Variants in SGMS1 observed in about 807,000 individuals in gnomAD.
SGMS1 encodes the protein sphingomyelin synthase 1, also known as phosphatidylcholine:ceramide cholinephosphotransferase 1.
In SGMS1, 13 loss-of-function variants were observed where a neutral mutation model predicts 46.2. The observed-to-expected ratio is 0.28, with a 90% CI of 0.18 to 0.45. SGMS1 has a LOEUF of 0.45. SGMS1 is among the 20% of genes least tolerant of loss of function. The probability of loss-of-function intolerance (pLI) is 1.00; values close to 1 mark genes in which losing one functional copy is unlikely to be tolerated. For synonymous variants in SGMS1, 203 were observed against 187.8 expected (o/e 1.08, Z -0.66); for missense variants, 324 against 519.9 (o/e 0.62, Z 3.66).
intron 6 of SGMS1, among the ~76,000 whole-genome samples, chr10:50,432,295 G>A (rs1009365665): frequency 6.6e-6 from 1 of 151,566 alleles, no homozygotes; most frequent in Non-Finnish European, 1.5e-5. Context: ...AAAAACAAAG[G>A]TAATAAATAC....
chr10:50,461,399 G>A (rs1421801072), intron 4 of SGMS1, among the ~76,000 whole-genome samples: 2 of 152,086 alleles, frequency 1.3e-5, no homozygotes, highest in African/African-American at 2.4e-5. Context: ...AACAAAGAGG[G>A]CTGTTCATTT....
intron 6 of SGMS1, among the ~76,000 whole-genome samples, chr10:50,430,256 T>A (rs1849389420): frequency 6.6e-6 from 1 of 152,102 alleles, no homozygotes; most frequent in African/African-American, 2.4e-5. Context: ...AACAAAAATG[T>A]CCAGTAATAT....
intron 2 of SGMS1, among the ~76,000 whole-genome samples, chr10:50,540,691 G>T (rs1470957130): frequency 6.6e-6 from 1 of 152,184 alleles, no homozygotes; most frequent in Non-Finnish European, 1.5e-5. Context: ...ATTGAAGAGG[G>T]GGAACACGGA....
chr10:50,370,945 T>A (rs142865581), intron 6 of SGMS1, among the ~76,000 whole-genome samples: 2 of 152,218 alleles, frequency 1.3e-5, no homozygotes, highest in African/African-American at 4.8e-5. Flanking sequence ...GTTAACTTTT[T>A]AAAATACATA....
Position 50,350,520 on chromosome 10 carries a change from T to TC in SGMS1, c.-231-6176dup, listed in dbSNP as rs200816161. On this transcript the variant is annotated intron_variant, in intron 6 of 10. Transcript: ENST00000361781. ...GTCAGAAGTTCTTCACAGCAGCCCC[T>TC]CCCATCACAGGCCCAGGAGGAAAAC... Among the ~76,000 whole-genome samples the TC allele has an allele frequency of 8.5e-3, 1,290 of 152,242 alleles. 21 individuals carry two copies. The highest frequency in any genetic ancestry group is 0.029 in the African/African-American group (1,193 of 41,542).
intron 5 of SGMS1, among the ~76,000 whole-genome samples, chr10:50,443,524 G>T (rs1038542338): frequency 1.3e-5 from 2 of 151,658 alleles, no homozygotes; most frequent in African/African-American, 4.8e-5. Context: ...AAGACTGAAT[G>T]CCCACCTAGA....
At chr10:50,560,277 A>T (rs1477198207) in intron 2 of SGMS1, among the ~76,000 whole-genome samples, 1 of 141,342 alleles carries the variant, frequency 7.1e-6, no homozygotes, top group Admixed American at 7.3e-5. Flanking sequence ...TATGTAATAT[A>T]CAGTATATGT....
At chr10:50,512,270 C>G (rs911301362) in intron 3 of SGMS1, among the ~76,000 whole-genome samples, 2 of 151,998 alleles carry the variant, frequency 1.3e-5, no homozygotes, top group African/African-American at 4.8e-5. Context: ...TACATGATAG[C>G]ACTCAGAACC....
chr10:50,585,042 T>C (rs1226011571), intron 2 of SGMS1, among the ~76,000 whole-genome samples: 2 of 152,240 alleles, frequency 1.3e-5, no homozygotes, highest in Admixed American at 6.5e-5. Context: ...GTGTAAAAGA[T>C]GTTAAAAACA....
At chr10:50,447,973 G>A (rs1302477119) in intron 5 of SGMS1, among the ~76,000 whole-genome samples, 1 of 152,152 alleles carries the variant, frequency 6.6e-6, no homozygotes, top group African/African-American at 2.4e-5. Context: ...ATAGGTTCCA[G>A]TGCAAAGTAA....
At chr10:50,562,519 C>G (rs1721609086) in intron 2 of SGMS1, among the ~76,000 whole-genome samples, 1 of 152,168 alleles carries the variant, frequency 6.6e-6, no homozygotes, top group Admixed American at 6.5e-5. Flanking sequence ...AGTTACATCT[C>G]TTTTAAATCA....
At chr10:50,357,839 G>A (rs1232380106) in intron 6 of SGMS1, among the ~76,000 whole-genome samples, 1 of 152,116 alleles carries the variant, frequency 6.6e-6, no homozygotes, top group East Asian at 1.9e-4. Flanking sequence ...AAACAAGCTG[G>A]CGTATCAGTG....
chr10:50,382,178 C>G (rs940597840), intron 6 of SGMS1, among the ~76,000 whole-genome samples: 1 of 152,108 alleles, frequency 6.6e-6, no homozygotes, highest in Non-Finnish European at 1.5e-5. Flanking sequence ...TAATTGACAG[C>G]TGACCTGTGA....
In SGMS1 at chr10:50,481,332, C is replaced by A. The variant is rs1177024384; in HGVS notation, c.-497-14400G>T. ...TGCGACAGAGCTCCCAGAGGAAAAA[C>A]CAGGCACCCATCTTTGCTATTCTGC... On this transcript the variant is annotated intron_variant, in intron 3 of 10. Transcript: ENST00000361781. 2.6e-5 allele frequency among the ~76,000 whole-genome samples: 4 copies of A among 152,170 alleles called. No individual in the cohort carries two copies. The East Asian group carries it at 7.7e-4, about 29-fold the overall frequency.
chr10:50,326,053 C>T (rs1383079920), intron 8 of SGMS1, among the ~76,000 whole-genome samples: 3 of 151,762 alleles, frequency 2.0e-5, no homozygotes, highest in Non-Finnish European at 4.4e-5. Flanking sequence ...AAGGAGAGTG[C>T]AGGGAGGCAG....
chr10:50,506,253 T>C (rs1837705917), intron 3 of SGMS1, among the ~76,000 whole-genome samples: 1 of 152,220 alleles, frequency 6.6e-6, no homozygotes, highest in East Asian at 1.9e-4. Context: ...TGTAATTTAA[T>C]GTCTGCTCTG....
intron 1 of SGMS1, among the ~76,000 whole-genome samples, chr10:50,607,164 G>C (rs61858142): frequency 6.8e-6 from 1 of 146,080 alleles, no homozygotes; most frequent in East Asian, 2.0e-4. Context: ...TTTTTTTTTG[G>C]TAGAGATATG....
chr10:50,410,114 T>C (rs1485133769), intron 6 of SGMS1, among the ~76,000 whole-genome samples: 1 of 152,248 alleles, frequency 6.6e-6, no homozygotes, highest in African/African-American at 2.4e-5. Context: ...TAGTTTCTTT[T>C]ACTCGTTTAC....
chr10:50,503,441 G>A lies in SGMS1; in HGVS notation c.-498+16390C>T, dbSNP rs1837678979. On this transcript the variant is annotated intron_variant, in intron 3 of 10. Transcript: ENST00000361781. ...CTGCCTTAACTGATGACATTATCTT[G>A]TGAAATTCCTTCTCCTGGCTCATCC... 2.0e-5 allele frequency among the ~76,000 whole-genome samples: 3 copies of A among 151,768 alleles called. 1 individual carries two copies. In the South Asian group the frequency reaches 6.2e-4, roughly 31 times the overall value.
Sources: allele counts gnomAD v4.1 joint callset (sites outside exome capture counted in the v4.1 genomes callset), GRCh38; gene constraint gnomAD v4.1.1; transcripts MANE v1.5; gene names NCBI Gene and HGNC (gene_info 2026-07-23, HGNC 2026-07-21).